Variants in RSRC1 observed in about 807,000 individuals in gnomAD.
The protein encoded by RSRC1 is arginine and serine rich coiled-coil 1, also known as serine/Arginine-related protein 53.
In RSRC1, 39 loss-of-function variants were observed where a neutral mutation model predicts 49.1. That is an observed-to-expected ratio of 0.79 (90% CI 0.61 to 1.04). The LOEUF is 1.04. Among genes scored for constraint, RSRC1 ranks in the 50% least tolerant of loss-of-function variants. RSRC1 has a pLI of 0.00. For missense variants in RSRC1, 388 were observed against 402.4 expected (o/e 0.96, Z 0.31); for synonymous variants, 143 against 130.8 (o/e 1.09, Z -0.63).
chr3:158,541,736 T>G lies in RSRC1; in HGVS notation c.760-1599T>G, dbSNP rs58788436. Among the ~76,000 whole-genome samples, 311 of 152,146 alleles carry G rather than the reference T, an allele frequency of 2.0e-3. 2 individuals are homozygous for G. The highest frequency in any genetic ancestry group is 7.2e-3 in the African/African-American group (297 of 41,432). ...AAAAGGCTACATAACAATCTCCTAT[T>G]CATCTTGTTTTTTTTTAATTTTACT... On this transcript the variant is annotated intron_variant, in intron 8 of 9. Transcript: ENST00000611884.
chr3:158,158,120 T>C (rs1717991280), intron 3 of RSRC1, among the ~76,000 whole-genome samples: 1 of 152,216 alleles, frequency 6.6e-6, no homozygotes, highest in Admixed American at 6.5e-5. Context: ...CAAACCTTGA[T>C]AAAGTGCTAT....
At chr3:158,147,102 C>CAT in intron 3 of RSRC1, among the ~76,000 whole-genome samples, 1 of 34,738 alleles carries the variant, frequency 2.9e-5, no homozygotes, top group East Asian at 9.3e-4. Context: ...GCTTTTCTGC[C>CAT]TTTTTTTTTT....
chr3:158,496,584 A>T (rs558224815), intron 7 of RSRC1: 1 of 153,352 alleles, frequency 6.5e-6, no homozygotes, highest in East Asian at 1.9e-4. Context: ...GGACATGAAC[A>T]CTGTTTTACA....
At chr3:158,271,591 T>C (rs147127250) in intron 4 of RSRC1, among the ~76,000 whole-genome samples, 161 of 152,248 alleles carry the variant, frequency 1.1e-3, no homozygotes, top group Non-Finnish European at 1.9e-3. Context: ...TTTAAATATA[T>C]AGTTTCAATA....
intron 5 of RSRC1, among the ~76,000 whole-genome samples, chr3:158,310,734 AT>A (rs1255155873): frequency 6.6e-5 from 10 of 151,852 alleles, no homozygotes; most frequent in African/African-American, 2.2e-4. Flanking sequence ...AGAATGTTAT[AT>A]AAACATTAAA....
At chr3:158,214,647 A>G (rs1219399633) in intron 4 of RSRC1, among the ~76,000 whole-genome samples, 1 of 151,734 alleles carries the variant, frequency 6.6e-6, no homozygotes, top group African/African-American at 2.4e-5. Context: ...TCAGTTCTCA[A>G]TATTTTCTAA....
intron 7 of RSRC1, among the ~76,000 whole-genome samples, chr3:158,495,216 A>G (rs1270633272): frequency 1.3e-5 from 2 of 152,162 alleles, no homozygotes; most frequent in African/African-American, 2.4e-5. Flanking sequence ...TGCACATTAC[A>G]TAATTTTCTT....
chr3:158,423,791 C>A, intron 6 of RSRC1, among the ~76,000 whole-genome samples: 1 of 152,022 alleles, frequency 6.6e-6, no homozygotes. Flanking sequence ...AGGTCCTTCA[C>A]ATCCCTTGTA....
At chr3:158,464,351 A>G (rs1056853768) in intron 7 of RSRC1, among the ~76,000 whole-genome samples, 3 of 152,100 alleles carry the variant, frequency 2.0e-5, no homozygotes, top group Non-Finnish European at 4.4e-5. Context: ...CTCTAATATG[A>G]ATTTCCTATT....
At chr3:158,296,072 G>A (rs1441798672) in intron 4 of RSRC1, among the ~76,000 whole-genome samples, 4 of 152,052 alleles carry the variant, frequency 2.6e-5, no homozygotes. Flanking sequence ...GATAAAGCAT[G>A]TCTAGCCCCA....
intron 4 of RSRC1, among the ~76,000 whole-genome samples, chr3:158,224,726 G>T (rs984084153): frequency 2.6e-5 from 4 of 151,744 alleles, no homozygotes; most frequent in Admixed American, 6.6e-5. Context: ...ACATTTGAAA[G>T]ATATTTTCAA....
intron 8 of RSRC1, among the ~76,000 whole-genome samples, chr3:158,541,412 C>T (rs1277156188): frequency 6.6e-6 from 1 of 152,204 alleles, no homozygotes; most frequent in Non-Finnish European, 1.5e-5. Flanking sequence ...AATCTGTCAA[C>T]TCCATTAGCA....
At chr3:158,532,993 T>C (rs1263904340) in intron 7 of RSRC1, among the ~76,000 whole-genome samples, 2 of 151,738 alleles carry the variant, frequency 1.3e-5, no homozygotes, top group Admixed American at 6.6e-5. Flanking sequence ...AAATGACAAA[T>C]TGACATGAAA....
Position 158,245,959 on chromosome 3 carries a change from C to T in RSRC1, c.494+42714C>T, listed in dbSNP as rs538951848. ...GAGCCTGTAATGAGTCTTTTAAATA[C>T]AGTGTACCAATGGGTCTTGATTCTG... On this transcript the variant is annotated intron_variant, in intron 4 of 9. Transcript: ENST00000611884. Among the ~76,000 whole-genome samples the T allele has an allele frequency of 2.6e-5, 4 of 152,144 alleles. No individual in the cohort carries two copies. In the East Asian group the frequency reaches 7.7e-4, roughly 29 times the overall value.
chr3:158,379,814 G>GCACACACA (rs140953408), intron 6 of RSRC1, among the ~76,000 whole-genome samples: 3,664 of 146,934 alleles, frequency 0.025, 85 homozygotes, highest in African/African-American at 0.056. Flanking sequence ...ACACGCGCAT[G>GCACACACA]CACACACACA....
At chr3:158,456,432 GT>G (rs1737320305) in intron 6 of RSRC1, among the ~76,000 whole-genome samples, 1 of 151,974 alleles carries the variant, frequency 6.6e-6, no homozygotes, top group Non-Finnish European at 1.5e-5. Flanking sequence ...AGAAAATGTA[GT>G]CTGGCTAAAG....
rs766801201 is a variant in RSRC1, at chr3:158,329,510, CCT to C, written c.532-25346_532-25345del. On this transcript the variant is annotated intron_variant, in intron 5 of 9. Transcript: ENST00000611884. ...CGTTTGCTGGAGGTCCACTCCAGCC[CCT>C]GTTTGCCTGGGTATCAGCAGCAGAG... Among the ~76,000 whole-genome samples the C allele has an allele frequency of 4.6e-5, 7 of 152,168 alleles. No individual in the cohort carries two copies. The East Asian group carries it at 7.7e-4, about 17-fold the overall frequency.
At chr3:158,239,994 T>C (rs958137760) in intron 4 of RSRC1, among the ~76,000 whole-genome samples, 3 of 152,342 alleles carry the variant, frequency 2.0e-5, no homozygotes, top group African/African-American at 7.2e-5. Context: ...TGATTGGAAT[T>C]ACATCGTATC....
At chr3:158,390,814 A>T (rs1023744319) in intron 6 of RSRC1, among the ~76,000 whole-genome samples, 1 of 152,158 alleles carries the variant, frequency 6.6e-6, no homozygotes, top group Non-Finnish European at 1.5e-5. Context: ...ATTTGTGCGC[A>T]TTGTAATTTT....
Sources: allele counts gnomAD v4.1 joint callset (sites outside exome capture counted in the v4.1 genomes callset), GRCh38; gene constraint gnomAD v4.1.1; transcripts MANE v1.5; gene names NCBI Gene and HGNC (gene_info 2026-07-23, HGNC 2026-07-21).